CAPN9: variants seen among roughly 807,000 people sequenced by gnomAD.
CAPN9 encodes the protein calpain 9.
A neutral mutation model predicts 92.8 loss-of-function variants in CAPN9; 81 were observed. The observed-to-expected ratio is 0.87, with a 90% CI of 0.73 to 1.05. The LOEUF is 1.05. Among genes scored for constraint, CAPN9 ranks in the 50% least tolerant of loss-of-function variants. The pLI, the probability that CAPN9 is intolerant of heterozygous loss-of-function variation, is 0.00. For synonymous variants in CAPN9, 304 were observed against 328.0 expected, an observed-to-expected ratio of 0.93 and a Z score of 0.79; for missense variants, 848 against 866.2, an observed-to-expected ratio of 0.98 and a Z score of 0.26.
intron 2 of CAPN9, 94 bp downstream of exon 2, chr1:230,755,500 C>A: frequency 1.0e-6 from 1 of 960,930 alleles, no homozygotes; most frequent in Non-Finnish European, 1.6e-6. Flanking sequence ...ACCCAAGAGG[C>A]ACGGGGCTGG....
chr1:230,783,667 T>A (rs978256821), intron 11 of CAPN9, among the ~76,000 whole-genome samples: 5 of 152,234 alleles, frequency 3.3e-5, no homozygotes, highest in African/African-American at 1.2e-4. Context: ...CTTTGTAAAT[T>A]AGTCTTAGGT....
At chr1:230,748,935 G>A (rs189234367) in intron 1 of CAPN9, among the ~76,000 whole-genome samples, 1 of 152,316 alleles carries the variant, frequency 6.6e-6, no homozygotes, top group East Asian at 1.9e-4. Flanking sequence ...GCAGTAGGCA[G>A]TGTGGGGTGT....
chr1:230,780,081 CGTGTGTGTGTGTGTGTGTGT>C (rs59033537), intron 9 of CAPN9, 78 bp from the exon 10 acceptor site: 2 of 646,970 alleles, frequency 3.1e-6, no homozygotes, highest in Non-Finnish European at 5.3e-6. Context: ...GGTGTATGTG[CGTGTGTGTGTGTGTGTGTGT>C]GTGTGTGTGT....
chr1:230,770,943 G>A (rs1255898355), intron 6 of CAPN9, among the ~76,000 whole-genome samples: 1 of 152,108 alleles, frequency 6.6e-6, no homozygotes, highest in Admixed American at 6.5e-5. Context: ...GGACTCTTTG[G>A]GATTCTTTAG....
At position 230,796,814 on chromosome 1, in the gene CAPN9, C is replaced by T. The variant is rs545153408; in HGVS notation, c.1988-1348C>T. On this transcript the variant is annotated intron_variant, in intron 18 of 19. Transcript: ENST00000271971. ...CACCCAGGTGTAATCCTTCCCAGAA[C>T]GGGGGGTGGGAGTGCCTCAGCTTTT... Among the ~76,000 whole-genome samples the T allele has an allele frequency of 2.9e-3, 440 of 152,238 alleles. 2 individuals carry two copies. Among genetic ancestry groups the T allele is most frequent in the Non-Finnish European group, 4.9e-3 (335 of 68,022 alleles).
intron 3 of CAPN9, among the ~76,000 whole-genome samples, chr1:230,761,495 A>C (rs1340139675): frequency 6.6e-6 from 1 of 152,046 alleles, no homozygotes; most frequent in Non-Finnish European, 1.5e-5. Context: ...GGATAGCCCC[A>C]AAAGCGGGAA....
intron 8 of CAPN9, among the ~76,000 whole-genome samples, chr1:230,778,068 G>A (rs77391691): frequency 0.15 from 23,477 of 151,910 alleles, 2,012 homozygotes; most frequent in South Asian, 0.28. Flanking sequence ...ATGTATAATA[G>A]ACATCTCACA....
At chr1:230,754,716 G>A (rs985134237) in intron 1 of CAPN9, among the ~76,000 whole-genome samples, 1 of 152,052 alleles carries the variant, frequency 6.6e-6, no homozygotes, top group African/African-American at 2.4e-5. Flanking sequence ...TTGGGAGGCT[G>A]AGGTGGAAGG....
At chr1:230,771,383 C>T (rs1666378595) in intron 6 of CAPN9, among the ~76,000 whole-genome samples, 1 of 152,256 alleles carries the variant, frequency 6.6e-6, no homozygotes, top group Non-Finnish European at 1.5e-5. Flanking sequence ...TGTCCCTGCT[C>T]CCAGGCAGAG....
At chr1:230,748,742 A>G (rs1158239633) in intron 1 of CAPN9, among the ~76,000 whole-genome samples, 1 of 152,138 alleles carries the variant, frequency 6.6e-6, no homozygotes, top group Non-Finnish European at 1.5e-5. Context: ...CATCTTACAT[A>G]TGAGTAGCAA....
intron 3 of CAPN9, among the ~76,000 whole-genome samples, chr1:230,761,107 A>G (rs544533319): frequency 2.0e-5 from 3 of 152,278 alleles, no homozygotes; most frequent in African/African-American, 7.2e-5. Context: ...TTCTGGATCC[A>G]GCATCCTTTT....
intron 4 of CAPN9, among the ~76,000 whole-genome samples, chr1:230,766,683 C>T (rs1209113208): frequency 6.6e-6 from 1 of 152,202 alleles, no homozygotes; most frequent in Non-Finnish European, 1.5e-5. Flanking sequence ...TGTATTAAGT[C>T]TGTTTTCACA....
Position 230,780,233 on chromosome 1 carries a change from G to A in CAPN9, c.1169G>A (p.Gly390Glu), listed in dbSNP as rs1343143540. The A allele has an allele frequency of 2.5e-6, 4 of 1,613,838 alleles. No homozygotes were observed. Among genetic ancestry groups the A allele is most frequent in the Non-Finnish European group, 3.4e-6 (4 of 1,179,822 alleles). ...IKLSLTEKDE[G>E]QEECSFLVAL... Reference sequence around the variant, plus strand: ...TTGTCTCTGACTGAGAAAGATGAGGGGCAGGAGGAGTGTAGTTTCCTTGTA... The same window carrying A: ...TTGTCTCTGACTGAGAAAGATGAGGAGCAGGAGGAGTGTAGTTTCCTTGTA... The change falls in exon 10 of 20, where the codon GGG (glycine) becomes GAG (glutamate). Residue 390 changes from glycine to glutamate, a missense_variant. Coordinates refer to ENST00000271971, the MANE Select transcript of CAPN9 (RefSeq NM_006615.3).
At chr1:230,750,474 G>A (rs959271357) in intron 1 of CAPN9, among the ~76,000 whole-genome samples, 11 of 152,142 alleles carry the variant, frequency 7.2e-5, no homozygotes, top group Non-Finnish European at 1.5e-5. Context: ...ACAGATTTCT[G>A]TAAAATCAGG....
At chr1:230,798,396 G>C (rs1345983070) in intron 19 of CAPN9, among the ~76,000 whole-genome samples, 176 bp downstream of exon 19, 1 of 152,204 alleles carries the variant, frequency 6.6e-6, no homozygotes, top group Non-Finnish European at 1.5e-5. Flanking sequence ...AATCAATTAA[G>C]CCATTACAAT....
At chr1:230,767,515 T>C (rs755931030) in intron 4 of CAPN9, 26 bp from the exon 5 acceptor site, 11 of 1,586,658 alleles carry the variant, frequency 6.9e-6, no homozygotes, top group African/African-American at 5.5e-5. Flanking sequence ...CCTGACTCTC[T>C]CCTCTCTCTC....
intron 12 of CAPN9, among the ~76,000 whole-genome samples, chr1:230,787,115 G>A (rs1296326959): frequency 6.6e-6 from 1 of 152,216 alleles, no homozygotes; most frequent in Admixed American, 6.5e-5. Context: ...CCAGAGCTTA[G>A]TGGTAGAAAC....
At chr1:230,794,434 T>C (rs1668203677) in intron 17 of CAPN9, among the ~76,000 whole-genome samples, 2 of 152,050 alleles carry the variant, frequency 1.3e-5, no homozygotes, top group African/African-American at 2.4e-5. Context: ...TGAGCCGAGA[T>C]TGCACCACTG....
chr1:230,753,390 G>A (rs769244813), intron 1 of CAPN9, among the ~76,000 whole-genome samples: 12 of 152,336 alleles, frequency 7.9e-5, no homozygotes, highest in Admixed American at 2.0e-4. Context: ...CCCTGGGCAG[G>A]CGCCCCTGGT....
Sources: gnomAD v4.1 joint callset for allele counts (sites outside exome capture counted in the v4.1 genomes callset) on GRCh38, gnomAD v4.1.1 for gene constraint, MANE v1.5 for transcripts, NCBI Gene and HGNC (gene_info 2026-07-23, HGNC 2026-07-21) for gene names.